Variants in SPATA6L observed in about 807,000 individuals in gnomAD.
SPATA6L encodes the protein spermatogenesis associated 6-like protein.
SPATA6L carries 68 observed loss-of-function variants against 49.2 expected under a neutral mutation model. The ratio of observed to expected loss-of-function variants is 1.38; its 90% CI spans 1.14 to 1.69. SPATA6L has a LOEUF of 1.69. SPATA6L is among the 40% of genes most tolerant of loss of function. The pLI, the probability that SPATA6L is intolerant of heterozygous loss-of-function variation, is 0.00. For missense variants in SPATA6L, 668 were observed against 464.3 expected (o/e 1.44, Z -4.03); for synonymous variants, 198 against 165.7 (o/e 1.19, Z -1.50).
intron 4 of SPATA6L, among the ~76,000 whole-genome samples, chr9:4,634,808 G>C (rs947697975): frequency 1.3e-5 from 2 of 152,120 alleles, no homozygotes; most frequent in African/African-American, 2.4e-5. Flanking sequence ...CATCCTTCAA[G>C]ATCCTTCAGT....
chr9:4,644,030 A>G (rs1564274390), intron 3 of SPATA6L, among the ~76,000 whole-genome samples: 1 of 151,884 alleles, frequency 6.6e-6, no homozygotes, highest in Non-Finnish European at 1.5e-5. Flanking sequence ...TGAAAAAAAA[A>G]GATGTAGATT....
chr9:4,589,578 G>A (rs1821773193), intron 13 of SPATA6L, among the ~76,000 whole-genome samples: 1 of 152,192 alleles, frequency 6.6e-6, no homozygotes, highest in Admixed American at 6.5e-5. Context: ...TCATGTAGGA[G>A]GTAAACAAAA....
intron 9 of SPATA6L, among the ~76,000 whole-genome samples, chr9:4,605,819 G>C (rs990133521): frequency 2.6e-5 from 4 of 152,144 alleles, no homozygotes; most frequent in African/African-American, 9.7e-5. Context: ...CAAGATGGCC[G>C]AATAGGAACA....
rs564743973 is a variant in SPATA6L, at chr9:4,602,764, T to A, written c.*1+1415A>T. Among the ~76,000 whole-genome samples, 41 of 152,230 alleles carry A rather than the reference T, an allele frequency of 2.7e-4. No individual in the cohort carries two copies. In the East Asian group the frequency reaches 3.3e-3, roughly 12 times the overall value. On this transcript the variant is annotated intron_variant, in intron 11 of 11. Coordinates refer to ENST00000682582, the MANE Select transcript of SPATA6L (RefSeq NM_001353486.2). ...TTACACTCTAGCTTTGAAAATGCAATAGAATGTAGTGGTTAAGAGAATAAA... is the reference window on the plus strand; with the variant it reads ...TTACACTCTAGCTTTGAAAATGCAAAAGAATGTAGTGGTTAAGAGAATAAA...
intron 3 of SPATA6L, among the ~76,000 whole-genome samples, chr9:4,639,560 G>A (rs939160439): frequency 2.0e-5 from 3 of 152,154 alleles, no homozygotes; most frequent in African/African-American, 7.2e-5. Context: ...CACCAAGTGT[G>A]AAAACGTCAG....
At chr9:4,619,993 T>C (rs1828899745) in intron 7 of SPATA6L, among the ~76,000 whole-genome samples, 1 of 152,188 alleles carries the variant, frequency 6.6e-6, no homozygotes, top group Non-Finnish European at 1.5e-5. Context: ...GACAAGGGAC[T>C]TTTTCTGGAC....
chr9:4,638,399 C>G (rs10122594), intron 3 of SPATA6L, among the ~76,000 whole-genome samples: 21,560 of 151,996 alleles, frequency 0.14, 2,383 homozygotes, highest in African/African-American at 0.3. Flanking sequence ...TTTTAGTAGA[C>G]ACGGGGTTTC....
intron 13 of SPATA6L, among the ~76,000 whole-genome samples, chr9:4,592,393 G>T (rs967692205): frequency 6.6e-6 from 1 of 151,954 alleles, no homozygotes; most frequent in Non-Finnish European, 1.5e-5. Context: ...TTACTATGTG[G>T]CAAGCAGTGC....
Position 4,617,890 on chromosome 9 carries a change from C to T in SPATA6L, c.995+33G>A, listed in dbSNP as rs773845991. 25 of 1,548,426 alleles carry T rather than the reference C, an allele frequency of 1.6e-5. No individual in the cohort carries two copies. The Admixed American group carries it at 4.0e-4, about 25-fold the overall frequency. On this transcript the variant is annotated intron_variant, in intron 9 of 11. Coordinates refer to ENST00000682582, the MANE Select transcript of SPATA6L (RefSeq NM_001353486.2). ...TACCCCTGCCAGGCCACAATGCACT[C>T]GTCAGGCAAACAGATGGGTGCTTGC...
rs1366437799 is a variant in SPATA6L, at chr9:4,620,281, T to G, written c.773-1383A>C. On this transcript the variant is annotated intron_variant, in intron 7 of 11. Coordinates refer to ENST00000682582, the MANE Select transcript of SPATA6L (RefSeq NM_001353486.2). Reference sequence around the variant, plus strand: ...TAACCTCCTTCCTCCTGTGGCCTCATAACCCTGTGGCCTCATAACCTCCTT... The same window carrying G: ...TAACCTCCTTCCTCCTGTGGCCTCAGAACCCTGTGGCCTCATAACCTCCTT... 2.9e-5 allele frequency among the ~76,000 whole-genome samples: 4 copies of G among 137,550 alleles called. No individual in the cohort carries two copies. The East Asian group carries it at 8.1e-4, about 28-fold the overall frequency. 90.2% of individuals were successfully genotyped at this position (137,550 alleles called of 152,430 possible). A position where few individuals can be genotyped will look rare whatever the true frequency, so the allele number is the denominator to read the frequency against.
intron 13 of SPATA6L, among the ~76,000 whole-genome samples, chr9:4,591,567 C>A (rs1413619608): frequency 6.6e-6 from 1 of 152,204 alleles, no homozygotes; most frequent in Non-Finnish European, 1.5e-5. Flanking sequence ...GTCTTCCCAG[C>A]ATGCCAAGTT....
At chr9:4,621,928 A>G (rs989781552) in intron 7 of SPATA6L, among the ~76,000 whole-genome samples, 1 of 152,254 alleles carries the variant, frequency 6.6e-6, no homozygotes, top group Admixed American at 6.5e-5. Flanking sequence ...TTAAAGGTTT[A>G]AGAACACTTT....
chr9:4,627,608 G>T, intron 5 of SPATA6L: 1 of 513,120 alleles, frequency 1.9e-6, no homozygotes, highest in Non-Finnish European at 3.1e-6. Context: ...GTTCTAGAAA[G>T]GATTTTAAGT....
chr9:4,637,091 C>T (rs1455153123), intron 3 of SPATA6L, among the ~76,000 whole-genome samples: 1 of 152,170 alleles, frequency 6.6e-6, no homozygotes, highest in Non-Finnish European at 1.5e-5. Flanking sequence ...GATTTCAAGA[C>T]TCTATATAAT....
chr9:4,641,444 C>A (rs1421631937), intron 3 of SPATA6L, among the ~76,000 whole-genome samples: 1 of 151,988 alleles, frequency 6.6e-6, no homozygotes, highest in Non-Finnish European at 1.5e-5. Context: ...TTGCATATAA[C>A]CTATGCACAT....
At chr9:4,637,288 T>A (rs1832997670) in intron 3 of SPATA6L, among the ~76,000 whole-genome samples, 1 of 152,062 alleles carries the variant, frequency 6.6e-6, no homozygotes, top group South Asian at 2.1e-4. Flanking sequence ...GCTGGCTCCT[T>A]CCTACTGAAT....
chr9:4,626,944 T>TA (rs959703696), intron 5 of SPATA6L: 2 of 152,532 alleles, frequency 1.3e-5, no homozygotes, highest in African/African-American at 4.8e-5. Context: ...CAGAATATAC[T>TA]AAAAAAATTA....
chr9:4,618,144 T>C lies in SPATA6L; in HGVS notation c.808-34A>G, dbSNP rs145906452. 448 of 1,551,960 alleles carry C rather than the reference T, an allele frequency of 2.9e-4. 2 individuals carry two copies. The East Asian group carries it at 8.6e-3, about 30-fold the overall frequency. On this transcript the variant is annotated intron_variant, in intron 8 of 11. Coordinates refer to ENST00000682582, the MANE Select transcript of SPATA6L (RefSeq NM_001353486.2). ...CAATATGCATTATTTAGTTGTAATTTTGCTTCTGTTTGCTTAATTTAGAGC... is the reference window on the plus strand; with the variant it reads ...CAATATGCATTATTTAGTTGTAATTCTGCTTCTGTTTGCTTAATTTAGAGC...
chr9:4,624,677 G>A (rs776044196), intron 6 of SPATA6L, among the ~76,000 whole-genome samples: 12 of 149,070 alleles, frequency 8.0e-5, no homozygotes, highest in Non-Finnish European at 1.3e-4. Flanking sequence ...GCAGTAAGCC[G>A]AGATTGTGTC....
Sources: gnomAD v4.1 joint callset for allele counts (sites outside exome capture counted in the v4.1 genomes callset) on GRCh38, gnomAD v4.1.1 for gene constraint, MANE v1.5 for transcripts, NCBI Gene and HGNC (gene_info 2026-07-23, HGNC 2026-07-21) for gene names.